The following TLE2 variants were observed in gnomAD, a reference collection of about 807,000 sequenced individuals.
TLE2 encodes TLE family member 2, transcriptional corepressor.
Under a neutral mutation model 97.2 loss-of-function variants are expected in TLE2, and 74 were observed. The ratio of observed to expected loss-of-function variants is 0.76; its 90% CI spans 0.63 to 0.92. The LOEUF (loss-of-function observed/expected upper bound fraction) is 0.92. Ranked by LOEUF, TLE2 falls within the 40% of genes least tolerant of loss-of-function variation. The pLI is 0.00. For missense variants in TLE2, 1,038 were observed against 1,008.7 expected (o/e 1.03, Z -0.39); for synonymous variants, 499 against 432.1 (o/e 1.15, Z -1.92).
intron 7 of TLE2, among the ~76,000 whole-genome samples, chr19:3,018,449 T>C (rs1417073200): frequency 2.2e-5 from 3 of 135,340 alleles, no homozygotes; most frequent in Non-Finnish European, 1.6e-5. Flanking sequence ...CCCACCACCA[T>C]GCCCAGCTAA....
chr19:3,043,089 G>A (rs1183954555), intron 1 of TLE2, among the ~76,000 whole-genome samples: 4 of 151,934 alleles, frequency 2.6e-5, no homozygotes, highest in Non-Finnish European at 5.9e-5. Context: ...CAAAGTGCTG[G>A]GATTACAGCC....
rs1474751112 is a variant in TLE2, at chr19:3,005,602, C to A, written c.1749-18G>T. 1 of 1,612,374 alleles carries A rather than the reference C, an allele frequency of 6.2e-7. No homozygotes were observed. The highest frequency in any genetic ancestry group is 2.2e-5 in the East Asian group (1 of 44,860). On this transcript the variant is annotated intron_variant, in intron 16 of 19. Coordinates refer to ENST00000262953, the MANE Select transcript of TLE2 (RefSeq NM_003260.5). ...GGAACTGCCTGGAGGGAGAAGGGCCCAGGCGTCCATCCTGGAATTCGAGCT... is the reference window on the plus strand; with the variant it reads ...GGAACTGCCTGGAGGGAGAAGGGCCAAGGCGTCCATCCTGGAATTCGAGCT...
chr19:3,041,537 C>A (rs752450062), intron 1 of TLE2, among the ~76,000 whole-genome samples: 9 of 152,186 alleles, frequency 5.9e-5, no homozygotes, highest in Non-Finnish European at 1.0e-4. Flanking sequence ...AATGTCACCT[C>A]CTCAGAGAGG....
intron 14 of TLE2, 31 bp from the exon 15 acceptor site, chr19:3,006,700 C>T (rs1466126514): frequency 1.3e-6 from 2 of 1,557,046 alleles, no homozygotes; most frequent in Non-Finnish European, 1.7e-6. Flanking sequence ...TGACCCAGCC[C>T]TGGGCACCAC....
intron 16 of TLE2, 40 bp downstream of exon 16, chr19:3,005,681 C>A (rs2145126445): frequency 6.2e-7 from 1 of 1,607,752 alleles, no homozygotes; most frequent in Non-Finnish European, 8.5e-7. Flanking sequence ...CCGAGAGCGG[C>A]CGGGGGCTTG....
intron 9 of TLE2, among the ~76,000 whole-genome samples, chr19:3,014,815 A>C (rs2089668260): frequency 6.6e-6 from 1 of 152,064 alleles, no homozygotes; most frequent in Non-Finnish European, 1.5e-5. Flanking sequence ...GAGGCAGGGC[A>C]GGTGGGCACC....
chr19:3,011,575 C>T lies in TLE2; in HGVS notation c.874-415G>A, dbSNP rs1336489462. Among the ~76,000 whole-genome samples the T allele has an allele frequency of 2.7e-5, 4 of 150,520 alleles. 1 individual carries two copies. The highest frequency in any genetic ancestry group is 1.3e-4 in the Admixed American group (2 of 15,046). On this transcript the variant is annotated intron_variant, in intron 11 of 19. Transcript: ENST00000262953. The stretch of plus-strand genomic sequence containing the variant: ...TGTCTCAAAACAACAACAGGCCAGG[C>T]GCAGTGGCTCACGCCTGTAATCCCA...
rs1180186024 is a variant in TLE2, at chr19:3,029,077, G to A, written c.-173C>T. On this transcript the variant is annotated 5_prime_UTR_variant, in exon 1 of 20. Transcript: ENST00000262953. The stretch of plus-strand genomic sequence containing the variant: ...GTCCCTGGCGCGCCCCCAAGCGCGC[G>A]CGCCCGGGGTCGTGGGAGCCCCTCC... 4 of 1,291,888 alleles carry A rather than the reference G, an allele frequency of 3.1e-6. No individual in the cohort carries two copies. Among genetic ancestry groups the A allele is most frequent in the Non-Finnish European group, 2.9e-6 (3 of 1,017,852 alleles). The allele number at this position is 1,291,888 out of a possible 1,614,324, so 80.0% of individuals were successfully genotyped here.
rs771041875 is a variant in TLE2 at position 3,019,718 on chromosome 19, T to C, written c.350A>G (p.Glu117Gly). 1.2e-6 allele frequency: 2 copies of C among 1,611,968 alleles called. No homozygotes were observed. Among genetic ancestry groups the C allele is most frequent in the Admixed American group, 3.3e-5 (2 of 59,768 alleles). The change falls in exon 6 of 20, where the codon GAG (glutamate) becomes GGG (glycine). Residue 117 changes from glutamate to glycine, a missense_variant. Glu to Gly is a moderately conservative substitution (Grantham distance 98). Transcript: ENST00000262953. This position sits in a 1 kb window ranked among gnomAD's most constrained non-coding sequence, Gnocchi z 5.1. ...VERAKQVTVG[E>G]LNSLIGQQLQ... ...ACTCACCCCGATGAGGCTGTTCAGC[T>C]CCCCCACGGTGACCTGCTTGGCGCG...
chr19:3,008,972 T>G, intron 13 of TLE2, 27 bp from the exon 14 acceptor site: 1 of 1,539,762 alleles, frequency 6.5e-7, no homozygotes, highest in African/African-American at 1.4e-5. Context: ...GGGGTGTCAG[T>G]GAGGCAGGTG....
chr19:3,045,383 C>T (rs1054191672), intron 1 of TLE2, among the ~76,000 whole-genome samples: 3 of 152,184 alleles, frequency 2.0e-5, no homozygotes, highest in African/African-American at 7.2e-5. Context: ...GACTACGGGG[C>T]AGGGGTCGTG....
Position 3,028,955 on chromosome 19 carries a change from A to C in TLE2, c.-51T>G. On this transcript the variant is annotated 5_prime_UTR_variant, in exon 1 of 20. Coordinates refer to ENST00000262953, the MANE Select transcript of TLE2 (RefSeq NM_003260.5). ...GCGCCACCAGAGCTTGATGATATGG[A>C]GGCGGCAAGAGTGGGGGAGGCTGAA... is the stretch of plus-strand genomic sequence containing the variant. 1.3e-6 allele frequency: 2 copies of C among 1,594,040 alleles called. No individual in the cohort carries two copies. The highest frequency in any genetic ancestry group is 1.7e-6 in the Non-Finnish European group (2 of 1,171,556).
At position 3,044,171 on chromosome 19, in the gene TLE2, C is replaced by CAA. The variant is rs112268932; in HGVS notation, c.63+1553_63+1554dup. Among the ~76,000 whole-genome samples the CAA allele has an allele frequency of 4.5e-3, 629 of 140,200 alleles. 5 individuals carry two copies. Among genetic ancestry groups the CAA allele is most frequent in the African/African-American group, 0.016 (605 of 38,590 alleles). The allele number at this position is 140,200 out of a possible 152,430, so 92.0% of individuals were successfully genotyped here. A position where few individuals can be genotyped will look rare whatever the true frequency, so the allele number is the denominator to read the frequency against. On this transcript the variant is annotated intron_variant, in intron 1 of 18. Coordinates refer to the TLE2 transcript ENST00000426948. ...CTGGGCGACAGAGACTCCGTCTCAC[C>CAA]AAAAAAAAAAACAAAAACAAACCAA... is the stretch of plus-strand genomic sequence containing the variant.
Position 3,002,415 on chromosome 19 carries a change from G to A in TLE2, c.1985C>T (p.Pro662Leu), listed in dbSNP as rs145388533. The A allele has an allele frequency of 1.9e-5, 31 of 1,613,562 alleles. No homozygotes were observed. Among genetic ancestry groups the A allele is most frequent in the Admixed American group, 6.7e-5 (4 of 59,966 alleles). The change falls in exon 18 of 20, where the codon CCG becomes CTG. Residue 662 changes from proline (P) to leucine (L), a missense_variant. Transcript: ENST00000262953. ...SNVEILHVRK[P>L]EKYQLHLHES... ...GTGGAGGTGCAGCTGGTATTTCTCC[G>A]GCTTGCGGACGTGCAGGATCTCCAC...
chr19:3,029,827 C>T (rs937503137), upstream of TLE2, among the ~76,000 whole-genome samples: 4 of 152,074 alleles, frequency 2.6e-5, no homozygotes, highest in African/African-American at 9.7e-5. Flanking sequence ...GATAGGGTCT[C>T]CCTGTGTTGC....
chr19:3,021,437 T>G (rs1207581212), intron 5 of TLE2, among the ~76,000 whole-genome samples: 1 of 152,134 alleles, frequency 6.6e-6, no homozygotes, highest in Non-Finnish European at 1.5e-5. Flanking sequence ...TGTTGTATTT[T>G]TGCTGTTCCA....
chr19:3,030,651 T>A (rs2090016102), upstream of TLE2, among the ~76,000 whole-genome samples: 1 of 151,680 alleles, frequency 6.6e-6, no homozygotes, highest in South Asian at 2.1e-4. Flanking sequence ...GGGCCAGGGG[T>A]GGTGGGTCAT....
chr19:3,032,786 G>C (rs118111524), upstream of TLE2, among the ~76,000 whole-genome samples: 2 of 152,060 alleles, frequency 1.3e-5, no homozygotes, highest in African/African-American at 2.4e-5. The surrounding 1 kb of genome is among the most constrained non-coding windows in gnomAD (Gnocchi z 4.1). Context: ...CAGGTTCTTG[G>C]GGGTCTGTGA....
intron 5 of TLE2, chr19:3,020,378 C>T (rs1195091199): frequency 1.3e-5 from 2 of 152,216 alleles, no homozygotes; most frequent in Non-Finnish European, 2.9e-5. Context: ...GGCCTCCACC[C>T]ACTCCATGCC....
Sources: allele counts gnomAD v4.1 joint callset (sites outside exome capture counted in the v4.1 genomes callset), GRCh38; gene constraint gnomAD v4.1.1; non-coding constraint Gnocchi (gnomAD v3.1); transcripts MANE v1.5; gene names NCBI Gene and HGNC (gene_info 2026-07-23, HGNC 2026-07-21).